Variants in GIPC3 observed in about 807,000 individuals in gnomAD.
GIPC3 encodes PDZ domain-containing protein GIPC3.
In GIPC3, 16 loss-of-function variants were observed where a neutral mutation model predicts 27.3. That is an observed-to-expected ratio of 0.59 (90% CI 0.40 to 0.89). The LOEUF (loss-of-function observed/expected upper bound fraction) is 0.89. Among genes scored for constraint, GIPC3 ranks in the 40% least tolerant of loss-of-function variants. The pLI, the probability that GIPC3 is intolerant of heterozygous loss-of-function variation, is 0.00. For missense variants in GIPC3, 440 were observed against 442.1 expected (o/e 1.00, Z 0.04); for synonymous variants, 194 against 184.6 (o/e 1.05, Z -0.41).
At position 3,593,170 on chromosome 19, in the gene GIPC3, G is replaced by C; in HGVS notation, c.*2980G>C. 8.1e-7 allele frequency: 1 copy of C among 1,232,392 alleles called. No homozygotes were observed. Among genetic ancestry groups the C allele is most frequent in the Non-Finnish European group, 1.0e-6 (1 of 988,196 alleles). 76.3% of individuals were successfully genotyped at this position (1,232,392 alleles called of 1,614,324 possible). Reference sequence around the variant, plus strand: ...CCACCCACCATATCTGTCACTCCTAGTCCTGCCCCTAGGGCAGCCCTCCTG... The same window carrying C: ...CCACCCACCATATCTGTCACTCCTACTCCTGCCCCTAGGGCAGCCCTCCTG... On this transcript the variant is annotated 3_prime_UTR_variant, in exon 6 of 6. Coordinates refer to ENST00000644452, the MANE Select transcript of GIPC3 (RefSeq NM_133261.3).
rs185849328 is a variant in GIPC3 at position 3,589,000 on chromosome 19, G to C, written c.593-443G>C. ...AGACTAAACCCAGCTCTAGAGCCCA[G>C]GCCAGCTCTCAGACCAAGCCCTGCT... is the stretch of plus-strand genomic sequence containing the variant. On this transcript the variant is annotated intron_variant, in intron 3 of 5. Coordinates refer to ENST00000644452, the MANE Select transcript of GIPC3 (RefSeq NM_133261.3). Among the ~76,000 whole-genome samples, 761 of 151,566 alleles carry C rather than the reference G, an allele frequency of 5.0e-3. 8 individuals are homozygous for C. The highest frequency in any genetic ancestry group is 0.01 in the Middle Eastern group (3 of 290).
chr19:3,592,609 G>A lies in GIPC3; in HGVS notation c.*2419G>A. 8.1e-7 allele frequency: 1 copy of A among 1,232,056 alleles called. No individual in the cohort carries two copies. Among genetic ancestry groups the A allele is most frequent in the Non-Finnish European group, 1.0e-6 (1 of 988,000 alleles). The allele number at this position is 1,232,056 out of a possible 1,614,324, so 76.3% of individuals were successfully genotyped here. ...CAGTCCAGCTCTGGAACCCAGTTCA[G>A]TTCTGGGATTCAGTTTGGCTCTGAA... is the stretch of plus-strand genomic sequence containing the variant. On this transcript the variant is annotated 3_prime_UTR_variant, in exon 6 of 6. Coordinates refer to ENST00000644452, the MANE Select transcript of GIPC3 (RefSeq NM_133261.3).
Position 3,591,934 on chromosome 19 carries a change from C to T in GIPC3, c.*1744C>T, listed in dbSNP as rs1211166889. ...TCCAGGACCCAGACCAATTTCAAGG[C>T]CTGGCCAAGCTCCAGAGCTCAATCC... On this transcript the variant is annotated 3_prime_UTR_variant, in exon 6 of 6. Coordinates refer to ENST00000644452, the MANE Select transcript of GIPC3 (RefSeq NM_133261.3). 7 of 1,232,298 alleles carry T rather than the reference C, an allele frequency of 5.7e-6. No homozygotes were observed. Among genetic ancestry groups the T allele is most frequent in the Non-Finnish European group, 7.1e-6 (7 of 988,266 alleles). The allele number at this position is 1,232,298 out of a possible 1,614,324, so 76.3% of individuals were successfully genotyped here.
intron 4 of GIPC3, 115 bp from the exon 5 acceptor site, chr19:3,589,716 A>C: frequency 8.6e-7 from 1 of 1,158,984 alleles, no homozygotes; most frequent in South Asian, 1.2e-5. Flanking sequence ...TACCAGCACT[A>C]CTGACTCGTG....
Position 3,593,192 on chromosome 19 carries a change from C to T in GIPC3, c.*3002C>T, listed in dbSNP as rs2032522473. 1 of 1,232,402 alleles carries T rather than the reference C, an allele frequency of 8.1e-7. No individual in the cohort carries two copies. The highest frequency in any genetic ancestry group is 1.0e-6 in the Non-Finnish European group (1 of 988,148). 76.3% of individuals were successfully genotyped at this position (1,232,402 alleles called of 1,614,324 possible). ...CTAGTCCTGCCCCTAGGGCAGCCCT[C>T]CTGAGTTCCCAGCTGTCTGAGTCCC... On this transcript the variant is annotated 3_prime_UTR_variant, in exon 6 of 6. Transcript: ENST00000644452.
intron 4 of GIPC3, 26 bp downstream of exon 4, chr19:3,589,581 C>T: frequency 6.4e-7 from 1 of 1,561,288 alleles, no homozygotes; most frequent in East Asian, 2.2e-5. Flanking sequence ...GGGCTCTCCC[C>T]AGGCTTCTGC....
rs1419316711 is a variant in GIPC3 at position 3,590,142 on chromosome 19, G to A, written c.891G>A (p.Val297=). The change falls in exon 6 of 6, where the codon GTG becomes GTA. Residue 297 remains valine (V), a synonymous_variant. Coordinates refer to ENST00000644452, the MANE Select transcript of GIPC3 (RefSeq NM_133261.3). ...AGTTCGCCTTCCCCGACGAGTTTGT[G>A]GTGGAAGTGTGGGCCGCCATCGGCG... ...LGEFAFPDEF[V]VEVWAAIGEA... is the part of the protein sequence containing the mutation. The A allele has an allele frequency of 4.3e-6, 7 of 1,610,704 alleles. No homozygotes were observed. In the African/African-American group the frequency reaches 5.3e-5, roughly 12 times the overall value.
At position 3,586,974 on chromosome 19, in the gene GIPC3, T is replaced by C; in HGVS notation, c.572T>C (p.Val191Ala). Residue 191 changes from valine to alanine, a missense_variant, in exon 3 of 6, where the codon GTG (valine) becomes GCG (alanine). By Grantham distance (64) the Val-to-Ala change is moderately conservative (BLOSUM62 0). Transcript: ENST00000644452. ...TCCCAGCCCTTCACCCTGCGCCTGG[T>C]GCAGCCCAAGAGGGCCTTCGGTGAG... ...PKSQPFTLRLVQPKRAFDMIG... is the reference protein window; with the variant it reads ...PKSQPFTLRLAQPKRAFDMIG... 1 of 1,612,806 alleles carries C rather than the reference T, an allele frequency of 6.2e-7. No individual in the cohort carries two copies. Among genetic ancestry groups the C allele is most frequent in the Non-Finnish European group, 8.5e-7 (1 of 1,179,878 alleles).
At chr19:3,585,898 G>A (rs990413718) in intron 1 of GIPC3, 76 bp downstream of exon 1, 10 of 1,495,532 alleles carry the variant, frequency 6.7e-6, no homozygotes, top group Middle Eastern at 2.0e-4. Flanking sequence ...ACCCTGGACG[G>A]GAGACCCCAG....
In GIPC3 at chr19:3,589,875, G is replaced by C; in HGVS notation, c.750G>C (p.Leu250=). The C allele has an allele frequency of 6.2e-7, 1 of 1,613,936 alleles. No homozygotes were observed. The highest frequency in any genetic ancestry group is 8.5e-7 in the Non-Finnish European group (1 of 1,180,016). Residue 250 remains leucine, a synonymous_variant, in exon 5 of 6, where the codon CTG becomes CTC. Transcript: ENST00000644452. ...EEEASRKVDD[L]LESYMGIRDP... ...AGGCATCTCGGAAGGTTGATGACCT[G>C]CTGGAAAGCTACATGGGCATTCGGG...
rs371512205 is a variant in GIPC3, at chr19:3,589,531, G to T, written c.681G>T (p.Gly227=). The T allele has an allele frequency of 6.2e-7, 1 of 1,614,018 alleles. No individual in the cohort carries two copies. The highest frequency in any genetic ancestry group is 2.2e-5 in the East Asian group (1 of 44,880). The stretch of plus-strand genomic sequence containing the variant: ...GGGAGACCCTGCGGCTTCGTTCTGG[G>T]GGGGCTGCCACAGTGGAGGAAGCGG... ...SGRETLRLRS[G]GAATVEEAPS... The change falls in exon 4 of 6, where the codon GGG becomes GGT. Residue 227 remains glycine, a synonymous_variant. Coordinates refer to ENST00000644452, the MANE Select transcript of GIPC3 (RefSeq NM_133261.3).
At chr19:3,588,673 A>T (rs113339012) in intron 3 of GIPC3, among the ~76,000 whole-genome samples, 107 of 148,126 alleles carry the variant, frequency 7.2e-4, no homozygotes, top group African/African-American at 2.6e-3. Flanking sequence ...GGCTGGGTGC[A>T]GTGGCTCAAG....
intron 1 of GIPC3, 134 bp downstream of exon 1, chr19:3,585,956 A>C (rs1206984684): frequency 8.5e-6 from 12 of 1,416,970 alleles, no homozygotes; most frequent in South Asian, 1.3e-5. Context: ...GCCGGATCTC[A>C]GAGACCCAGC....
chr19:3,586,462 T>A, intron 1 of GIPC3, 33 bp from the exon 2 acceptor site: 1 of 1,604,238 alleles, frequency 6.2e-7, no homozygotes, highest in Non-Finnish European at 8.5e-7. Flanking sequence ...ATGCATGCCC[T>A]GGCTAACTCT....
chr19:3,588,702 T>C (rs111399712), intron 3 of GIPC3, among the ~76,000 whole-genome samples: 7,208 of 150,244 alleles, frequency 0.048, 323 homozygotes, highest in African/African-American at 0.12. Context: ...CCCAGTACTT[T>C]GGAAGGCCAA....
At chr19:3,589,636 T>C in intron 4 of GIPC3, 81 bp downstream of exon 4, 1 of 1,291,380 alleles carries the variant, frequency 7.7e-7, no homozygotes, top group South Asian at 1.2e-5. Flanking sequence ...GGGTAAGAAC[T>C]TCTCCTCGGA....
At position 3,587,154 on chromosome 19, in the gene GIPC3, A is replaced by C. The variant is rs374496210; in HGVS notation, c.592+160A>C. On this transcript the variant is annotated intron_variant, in intron 3 of 5. Coordinates refer to ENST00000644452, the MANE Select transcript of GIPC3 (RefSeq NM_133261.3). ...TATCAGAAACTCGTAGGTAGTTTCT[A>C]TTAATAGATTGTTATGGAGTCAGCC... Among the ~76,000 whole-genome samples the C allele has an allele frequency of 1.1e-4, 17 of 151,688 alleles. No homozygotes were observed. The East Asian group carries it at 3.1e-3, about 28-fold the overall frequency.
intron 1 of GIPC3, 85 bp from the exon 2 acceptor site, chr19:3,586,410 T>C (rs2032365277): frequency 7.9e-7 from 1 of 1,261,388 alleles, no homozygotes; most frequent in Admixed American, 1.9e-5. Context: ...TCCTGGTCGC[T>C]GGGGGCAGGG....
rs1423791433 is a variant in GIPC3, at chr19:3,590,525, T to C, written c.*335T>C. ...CCAGCACTGAGACCAAGCCCTGTTC[T>C]AGAACTCAGGCCTGCTCTGAGGCCA... On this transcript the variant is annotated 3_prime_UTR_variant, in exon 6 of 6. Transcript: ENST00000644452. The C allele has an allele frequency of 6.5e-6, 9 of 1,388,714 alleles. No individual in the cohort carries two copies. The South Asian group carries it at 9.1e-5, about 14-fold the overall frequency. 86.0% of individuals were successfully genotyped at this position (1,388,714 alleles called of 1,614,324 possible).
Sources: gnomAD v4.1 joint callset for allele counts (sites outside exome capture counted in the v4.1 genomes callset) on GRCh38, gnomAD v4.1.1 for gene constraint, MANE v1.5 for transcripts, NCBI Gene and HGNC (gene_info 2026-07-23, HGNC 2026-07-21) for gene names.